The following CTNNA3 variants were observed in gnomAD, a reference collection of about 807,000 sequenced individuals.
CTNNA3 encodes catenin alpha-3.
In CTNNA3, 76 loss-of-function variants were observed where a neutral mutation model predicts 95.7. That is an observed-to-expected ratio of 0.79 (90% confidence interval 0.66 to 0.96). The LOEUF (loss-of-function observed/expected upper bound fraction) is 0.96. Ranked by LOEUF, CTNNA3 falls within the 40% of genes least tolerant of loss-of-function variation. The pLI is 0.00. For missense variants in CTNNA3, 1,191 were observed against 1,089.8 expected (o/e 1.09, Z -1.31); for synonymous variants, 431 against 374.4 (o/e 1.15, Z -1.74).
chr10:66,289,652 G>A (rs907285409), intron 12 of CTNNA3, among the ~76,000 whole-genome samples: 1 of 151,800 alleles, frequency 6.6e-6, no homozygotes, highest in Non-Finnish European at 1.5e-5. Context: ...ACTATTTAAG[G>A]CAACTGAAGT....
intron 7 of CTNNA3, among the ~76,000 whole-genome samples, chr10:66,869,953 T>A (rs535163061): frequency 7.9e-4 from 121 of 152,334 alleles, no homozygotes; most frequent in African/African-American, 2.8e-3. Context: ...AAAATATTGA[T>A]TTAAAAACCA....
At chr10:67,724,756 C>G (rs765145905) in intron 1 of CTNNA3, among the ~76,000 whole-genome samples, 5 of 152,110 alleles carry the variant, frequency 3.3e-5, no homozygotes, top group African/African-American at 9.7e-5. Flanking sequence ...TTTTACGGCC[C>G]GAATCACTAA....
At chr10:65,943,213 A>G (rs1478456761) in intron 17 of CTNNA3, among the ~76,000 whole-genome samples, 2 of 151,832 alleles carry the variant, frequency 1.3e-5, no homozygotes, top group Non-Finnish European at 2.9e-5. Context: ...ACAGGCGCCC[A>G]CCACCGTGCC....
chr10:67,454,625 T>C (rs1405309404), intron 5 of CTNNA3, among the ~76,000 whole-genome samples: 2 of 152,164 alleles, frequency 1.3e-5, no homozygotes, highest in African/African-American at 2.4e-5. Flanking sequence ...GCTGATAACC[T>C]ATGCCAAGTC....
chr10:67,490,712 A>G (rs955071293), intron 5 of CTNNA3, among the ~76,000 whole-genome samples: 5 of 152,152 alleles, frequency 3.3e-5, no homozygotes, highest in African/African-American at 7.2e-5. Flanking sequence ...AATAATGGAA[A>G]AAGAGTCCTG....
intron 16 of CTNNA3, among the ~76,000 whole-genome samples, chr10:65,972,694 A>T (rs924022522): frequency 6.6e-6 from 1 of 152,140 alleles, no homozygotes; most frequent in African/African-American, 2.4e-5. Context: ...GAAATCATAG[A>T]TGACACAAAC....
At chr10:65,943,442 ATTCT>A (rs1306878945) in intron 17 of CTNNA3, among the ~76,000 whole-genome samples, 1 of 152,222 alleles carries the variant, frequency 6.6e-6, no homozygotes, top group Non-Finnish European at 1.5e-5. Context: ...TACTGCTAGG[ATTCT>A]CTAAAAGAAG....
chr10:66,432,951 A>G (rs2093309311), intron 11 of CTNNA3, among the ~76,000 whole-genome samples: 1 of 152,098 alleles, frequency 6.6e-6, no homozygotes, highest in East Asian at 1.9e-4. Context: ...TTCCAGCTTC[A>G]TCCATGTCCC....
At chr10:67,452,092 A>AAGG (rs1290426664) in intron 5 of CTNNA3, among the ~76,000 whole-genome samples, 1 of 151,332 alleles carries the variant, frequency 6.6e-6, no homozygotes, top group East Asian at 1.9e-4. Context: ...GGAAGGAAGG[A>AAGG]AGGAAGGAAG....
intron 7 of CTNNA3, chr10:67,097,781 A>G (rs1330273014): frequency 1.2e-6 from 2 of 1,612,320 alleles, no homozygotes; most frequent in South Asian, 2.2e-5. Flanking sequence ...GTGACCATAA[A>G]CAGCAGCTAG....
intron 5 of CTNNA3, among the ~76,000 whole-genome samples, chr10:67,284,818 A>T (rs909463847): frequency 6.6e-6 from 1 of 152,206 alleles, no homozygotes; most frequent in African/African-American, 2.4e-5. Flanking sequence ...TGGCTTAACA[A>T]GTTCTATAGT....
intron 7 of CTNNA3, among the ~76,000 whole-genome samples, chr10:67,144,689 G>T (rs538750354): frequency 6.6e-6 from 1 of 152,226 alleles, no homozygotes; most frequent in Non-Finnish European, 1.5e-5. Flanking sequence ...AATTGAAGAG[G>T]GTTAGGTTCT....
chr10:66,154,872 CT>C (rs2133915268), intron 13 of CTNNA3, among the ~76,000 whole-genome samples: 1 of 151,036 alleles, frequency 6.6e-6, no homozygotes. Flanking sequence ...CCAAACAGTT[CT>C]TTTAGAGGAA....
chr10:66,115,575 T>TAGATAGAC (rs1554853280), intron 13 of CTNNA3, among the ~76,000 whole-genome samples: 3 of 140,402 alleles, frequency 2.1e-5, no homozygotes, highest in African/African-American at 7.9e-5. Flanking sequence ...GATAGACAGA[T>TAGATAGAC]AGATGATAGA....
In CTNNA3 at chr10:66,090,689, GCT is replaced by G. The variant is rs1229078795; in HGVS notation, c.1977+12466_1977+12467del. On this transcript the variant is annotated intron_variant, in intron 14 of 17. Coordinates refer to ENST00000433211, the MANE Select transcript of CTNNA3 (RefSeq NM_013266.4). The stretch of plus-strand genomic sequence containing the variant: ...GTTTGGAGGCTGACTTTTTCTAAAA[GCT>G]CTGTTTCTTACAAGTACATGACTAT... 2.0e-5 allele frequency among the ~76,000 whole-genome samples: 3 copies of G among 151,980 alleles called. No homozygotes were observed. The East Asian group carries it at 5.8e-4, about 29-fold the overall frequency.
At chr10:67,672,370 C>G (rs1353811737) in intron 1 of CTNNA3, among the ~76,000 whole-genome samples, 1 of 152,118 alleles carries the variant, frequency 6.6e-6, no homozygotes, top group East Asian at 1.9e-4. Flanking sequence ...TTAATTAGAT[C>G]CCATTTGTCA....
chr10:66,413,214 G>A (rs535766691), intron 11 of CTNNA3, among the ~76,000 whole-genome samples: 2 of 152,142 alleles, frequency 1.3e-5, no homozygotes, highest in South Asian at 4.2e-4. Context: ...CATTCTTGCT[G>A]GTAATATCTG....
At chr10:66,622,265 T>C (rs1440591134) in intron 9 of CTNNA3, among the ~76,000 whole-genome samples, 1 of 152,178 alleles carries the variant, frequency 6.6e-6, no homozygotes, top group Non-Finnish European at 1.5e-5. Flanking sequence ...ACTACAAAGC[T>C]GAACAAATAC....
chr10:66,382,064 T>C (rs1002393508), intron 11 of CTNNA3, among the ~76,000 whole-genome samples: 2 of 152,030 alleles, frequency 1.3e-5, no homozygotes, highest in Non-Finnish European at 2.9e-5. Flanking sequence ...ACCTGGTTCA[T>C]CTCACTGGGA....
Sources: gnomAD v4.1 joint callset for allele counts (sites outside exome capture counted in the v4.1 genomes callset) on GRCh38, gnomAD v4.1.1 for gene constraint, MANE v1.5 for transcripts, NCBI Gene and HGNC (gene_info 2026-07-23, HGNC 2026-07-21) for gene names.